Variants in OPHN1 observed in about 807,000 individuals in gnomAD.
OPHN1 encodes oligophrenin 1.
OPHN1 carries 11 observed loss-of-function variants against 60.7 expected under a neutral mutation model. The ratio of observed to expected loss-of-function variants is 0.18; its 90% CI spans 0.11 to 0.30. OPHN1 has a LOEUF of 0.30. Ranked by LOEUF, OPHN1 falls within the 10% of genes least tolerant of loss-of-function variation. The pLI is 1.00. For synonymous variants in OPHN1, 226 were observed against 222.6 expected, an observed-to-expected ratio of 1.02 and a Z score of -0.14; for missense variants, 449 against 611.0, an observed-to-expected ratio of 0.73 and a Z score of 2.80.
chrX:68,224,935 C>A (rs1244192939), intron 6 of OPHN1, among the ~76,000 whole-genome samples: 1 of 112,106 alleles, frequency 8.9e-6, no homozygotes, highest in African/African-American at 3.2e-5. Flanking sequence ...TCGCCTCACC[C>A]TGGAAGCGCA....
intron 15 of OPHN1, among the ~76,000 whole-genome samples, chrX:68,165,292 G>A (rs924577958): frequency 3.8e-4 from 43 of 111,719 alleles, no homozygotes; most frequent in African/African-American, 1.2e-3. Flanking sequence ...CTCAGCTTTC[G>A]ACATGCCTTC....
chrX:68,046,473 A>G lies in OPHN1; in HGVS notation c.*699T>C, dbSNP rs2076832856. On this transcript the variant is annotated 3_prime_UTR_variant, in exon 25 of 25. Transcript: ENST00000355520. ...ATAGACCTAGGCTTTTACATGCAAA[A>G]CATGCTTTGCAGATTTGTCCTAAGT... 1 of 112,258 alleles carries G rather than the reference A, an allele frequency of 8.9e-6. No homozygotes were observed. The highest frequency in any genetic ancestry group is 3.7e-4 in the South Asian group (1 of 2,682). The allele number at this position is 112,258 out of a possible 1,213,427, so 9.3% of individuals were successfully genotyped here.
At chrX:68,424,546 CT>C in intron 2 of OPHN1, among the ~76,000 whole-genome samples, 1 of 111,401 alleles carries the variant, frequency 9.0e-6, no homozygotes. Context: ...TCCTCATAGG[CT>C]TTTAGGAAAT....
At chrX:68,416,057 TATATATATATAGAGAGAGAGAG>T (rs1400747444) in intron 2 of OPHN1, among the ~76,000 whole-genome samples, 92 of 7,876 alleles carry the variant, frequency 0.012, no homozygotes, top group African/African-American at 0.015. Flanking sequence ...TATATATATA[TATATATATATAGAGAGAGAGAG>T]AGAGAGAGAG....
At chrX:68,282,441 T>C (rs999833269) in intron 4 of OPHN1, among the ~76,000 whole-genome samples, 4 of 111,942 alleles carry the variant, frequency 3.6e-5, no homozygotes, top group Middle Eastern at 9.2e-3. Flanking sequence ...TTCACGGCCA[T>C]GAATCTATTC....
intron 8 of OPHN1, 24 bp from the exon 9 acceptor site, chrX:68,210,306 T>G (rs780109132): frequency 1.7e-6 from 2 of 1,186,958 alleles, no homozygotes; most frequent in East Asian, 5.9e-5. Flanking sequence ...ATCATGAAAA[T>G]CATTATTATC....
chrX:68,360,569 C>T (rs1909803095), intron 2 of OPHN1, among the ~76,000 whole-genome samples: 1 of 110,744 alleles, frequency 9.0e-6, no homozygotes, highest in Non-Finnish European at 1.9e-5. Context: ...GTGGGAGGAT[C>T]GCTTGAGCTC....
chrX:68,058,797 T>G (rs1374957391), intron 21 of OPHN1, among the ~76,000 whole-genome samples: 1 of 111,868 alleles, frequency 8.9e-6, no homozygotes, highest in African/African-American at 3.3e-5. Context: ...CCACTTACAG[T>G]TGAGAAAACT....
At chrX:68,330,963 G>T (rs2078291640) in intron 2 of OPHN1, among the ~76,000 whole-genome samples, 1 of 102,474 alleles carries the variant, frequency 9.8e-6, no homozygotes, top group African/African-American at 3.5e-5. Flanking sequence ...ATTCTTCTTG[G>T]CCATGTTTTC....
intron 4 of OPHN1, among the ~76,000 whole-genome samples, chrX:68,275,682 G>T (rs1421936075): frequency 1.8e-5 from 2 of 111,640 alleles, no homozygotes; most frequent in Non-Finnish European, 3.8e-5. Context: ...AGACATAGGT[G>T]TCAGTAAGAC....
chrX:68,432,994 G>A lies in OPHN1; in HGVS notation c.27C>T (p.Ser9=), dbSNP rs1009625535. MGHPPLEF[S]DCYLDSPDFR... ...AATCGGGGCTGTCCAGGTAGCAGTC[G>A]CTGAACTCCAGCGGGGGATGACCCA... The change falls in exon 2 of 25, where the codon AGC becomes AGT. Residue 9 remains serine (S), a synonymous_variant. Transcript: ENST00000355520. 5 of 1,207,740 alleles carry A rather than the reference G, an allele frequency of 4.1e-6. No individual in the cohort carries two copies. The highest frequency in any genetic ancestry group is 1.7e-5 in the African/African-American group (1 of 57,369).
At chrX:68,272,278 G>GA (rs2077973773) in intron 5 of OPHN1, among the ~76,000 whole-genome samples, 1 of 110,947 alleles carries the variant, frequency 9.0e-6, no homozygotes, top group Non-Finnish European at 1.9e-5. Flanking sequence ...AAAGAAGTAT[G>GA]AAAAAAGATA....
intron 15 of OPHN1, among the ~76,000 whole-genome samples, chrX:68,170,699 G>T (rs774557685): frequency 9.9e-6 from 1 of 101,085 alleles, no homozygotes; most frequent in African/African-American, 3.6e-5. Context: ...ACCAAACACC[G>T]CATATTCTCA....
At position 68,321,456 on chromosome X, in the gene OPHN1, C is replaced by T. The variant is rs796096621; in HGVS notation, c.155-22360G>A. ...GCACATTACTAGAATCCCATTCAATCATTAATAATTAGTCCAGTCCATCAT... is the reference window on the plus strand; with the variant it reads ...GCACATTACTAGAATCCCATTCAATTATTAATAATTAGTCCAGTCCATCAT... On this transcript the variant is annotated intron_variant, in intron 2 of 24. Transcript: ENST00000355520. 2.2e-4 allele frequency among the ~76,000 whole-genome samples: 25 copies of T among 112,025 alleles called. No homozygotes were observed. The East Asian group carries it at 7.0e-3, about 31-fold the overall frequency.
intron 15 of OPHN1, among the ~76,000 whole-genome samples, chrX:68,134,832 G>A (rs1004444519): frequency 6.3e-5 from 7 of 110,916 alleles, no homozygotes; most frequent in African/African-American, 2.0e-4. Context: ...TTTGGCAACC[G>A]CCTGCCCGAA....
chrX:68,310,885 C>T (rs1469776397), intron 2 of OPHN1, among the ~76,000 whole-genome samples: 2 of 110,615 alleles, frequency 1.8e-5, no homozygotes, highest in Admixed American at 1.9e-4. Context: ...AAAACAGCTG[C>T]AAAATATAAA....
At chrX:68,252,507 GTTC>G (rs979487912) in intron 5 of OPHN1, among the ~76,000 whole-genome samples, 1 of 111,857 alleles carries the variant, frequency 8.9e-6, no homozygotes, top group African/African-American at 3.2e-5. Flanking sequence ...CTTGTTTAAA[GTTC>G]TTATTTTCCT....
At chrX:68,354,691 G>A (rs1240687045) in intron 2 of OPHN1, among the ~76,000 whole-genome samples, 1 of 104,456 alleles carries the variant, frequency 9.6e-6, no homozygotes, top group Non-Finnish European at 1.9e-5. Context: ...GGAGGCGGAG[G>A]TTGCAGTGAG....
In OPHN1 at chrX:68,385,848, T is replaced by C. The variant is rs1455830175; in HGVS notation, c.154+47019A>G. 2.7e-5 allele frequency among the ~76,000 whole-genome samples: 3 copies of C among 112,009 alleles called. No individual in the cohort carries two copies. In the Admixed American group the frequency reaches 2.9e-4, roughly 11 times the overall value. On this transcript the variant is annotated intron_variant, in intron 2 of 24. Transcript: ENST00000355520. Reference sequence around the variant, plus strand: ...ATTTGAAATCTAAGTAAGTCTGAGTTAGGGGCAAGTAAAAACAAAGACTGG... The same window carrying C: ...ATTTGAAATCTAAGTAAGTCTGAGTCAGGGGCAAGTAAAAACAAAGACTGG...
Sources: gnomAD v4.1 joint callset for allele counts (sites outside exome capture counted in the v4.1 genomes callset) on GRCh38, gnomAD v4.1.1 for gene constraint, MANE v1.5 for transcripts, NCBI Gene and HGNC (gene_info 2026-07-23, HGNC 2026-07-21) for gene names.